The following FGGY variants were observed in gnomAD, a reference collection of about 807,000 sequenced individuals.
FGGY encodes the protein FGGY carbohydrate kinase domain containing.
A neutral mutation model predicts 71.3 loss-of-function variants in FGGY; 72 were observed. The ratio of observed to expected loss-of-function variants is 1.01; its 90% confidence interval spans 0.84 to 1.23. FGGY has a LOEUF of 1.23. Among genes scored for constraint, FGGY ranks in the 50% most tolerant of loss-of-function variants. The probability of loss-of-function intolerance (pLI) is 0.00; values close to 1 mark genes in which losing one functional copy is unlikely to be tolerated. For synonymous variants in FGGY, 251 were observed against 250.3 expected (o/e 1.00, Z -0.02); for missense variants, 668 against 682.3 (o/e 0.98, Z 0.23).
chr1:59,601,065 T>C (rs1024601012), intron 8 of FGGY, among the ~76,000 whole-genome samples: 3 of 149,966 alleles, frequency 2.0e-5, no homozygotes, highest in East Asian at 3.9e-4. Context: ...AGTAAGACGA[T>C]AGCACCGTCC....
intron 10 of FGGY, among the ~76,000 whole-genome samples, chr1:59,633,318 G>A (rs781149687): frequency 1.1e-4 from 17 of 151,940 alleles, no homozygotes; most frequent in African/African-American, 3.9e-4. Flanking sequence ...CCTATTATAC[G>A]TTTCTTTGGT....
intron 5 of FGGY, among the ~76,000 whole-genome samples, chr1:59,408,438 A>G (rs2063088409): frequency 2.6e-5 from 4 of 152,172 alleles, no homozygotes; most frequent in African/African-American, 9.6e-5. Flanking sequence ...GCCTTTGTAG[A>G]CACTTTTGAT....
In FGGY at chr1:59,721,337, G is replaced by GT. The variant is rs71046339; in HGVS notation, c.1513-36575dup. ...AGAGAGTTTTTCTTTTCTTTCCTTT[G>GT]TTTTTTTTTTTTTTTTTTTGAGACG... On this transcript the variant is annotated intron_variant, in intron 14 of 15. Transcript: ENST00000303721. Among the ~76,000 whole-genome samples, 204 of 105,364 alleles carry GT rather than the reference G, an allele frequency of 1.9e-3. 17 individuals carry two copies. Among genetic ancestry groups the GT allele is most frequent in the East Asian group, 7.4e-3 (23 of 3,124 alleles). 69.1% of individuals were successfully genotyped at this position (105,364 alleles called of 152,430 possible).
chr1:59,497,785 A>G (rs1208213668), intron 6 of FGGY, among the ~76,000 whole-genome samples: 1 of 151,986 alleles, frequency 6.6e-6, no homozygotes, highest in Non-Finnish European at 1.5e-5. Context: ...CAGTTGGCTC[A>G]CCCTTCCTGG....
At chr1:59,586,934 C>T (rs2096302751) in intron 8 of FGGY, among the ~76,000 whole-genome samples, 3 of 152,184 alleles carry the variant, frequency 2.0e-5, no homozygotes, top group Non-Finnish European at 2.9e-5. Flanking sequence ...GAGTGCCAGA[C>T]AGTGGGCGCA....
intron 6 of FGGY, among the ~76,000 whole-genome samples, chr1:59,472,774 G>T (rs1452329158): frequency 6.7e-6 from 1 of 150,046 alleles, no homozygotes; most frequent in Non-Finnish European, 1.5e-5. Context: ...TGGTGGGGAG[G>T]TGGAGAACTT....
At chr1:59,616,088 G>T (rs549548306) in intron 9 of FGGY, among the ~76,000 whole-genome samples, 27 of 152,270 alleles carry the variant, frequency 1.8e-4, no homozygotes, top group Middle Eastern at 3.4e-3. Flanking sequence ...TGATTCCTCA[G>T]GGATCTAGAA....
chr1:59,628,001 C>T (rs1297724194), intron 10 of FGGY, among the ~76,000 whole-genome samples: 1 of 152,132 alleles, frequency 6.6e-6, no homozygotes, highest in Non-Finnish European at 1.5e-5. Flanking sequence ...AGATAATCAA[C>T]ATTAGGTAAA....
At chr1:59,489,311 A>G (rs986583085) in intron 6 of FGGY, among the ~76,000 whole-genome samples, 2 of 152,126 alleles carry the variant, frequency 1.3e-5, no homozygotes, top group Non-Finnish European at 2.9e-5. Flanking sequence ...GAATACTAGA[A>G]CTTATTACTC....
intron 5 of FGGY, among the ~76,000 whole-genome samples, chr1:59,413,661 C>T (rs1481928083): frequency 6.6e-6 from 1 of 152,058 alleles, no homozygotes; most frequent in Non-Finnish European, 1.5e-5. Flanking sequence ...AAAAAAAAAC[C>T]CAGACTTGCA....
intron 6 of FGGY, among the ~76,000 whole-genome samples, chr1:59,459,870 C>T (rs1035060262): frequency 2.6e-5 from 4 of 152,142 alleles, no homozygotes; most frequent in Non-Finnish European, 4.4e-5. Flanking sequence ...TGCAACATGG[C>T]TGAATTATAG....
chr1:59,384,378 T>G (rs2059837974), intron 5 of FGGY, among the ~76,000 whole-genome samples: 1 of 152,132 alleles, frequency 6.6e-6, no homozygotes, highest in Non-Finnish European at 1.5e-5. Flanking sequence ...GCATCTGTGT[T>G]TCTCTCTCTT....
chr1:59,361,428 A>G (rs543467574), intron 4 of FGGY, among the ~76,000 whole-genome samples: 7 of 152,250 alleles, frequency 4.6e-5, no homozygotes, highest in Admixed American at 4.6e-4. Flanking sequence ...GTTGTGGGCC[A>G]GTGGATGAAT....
At chr1:59,528,954 A>C (rs2095065831) in intron 7 of FGGY, among the ~76,000 whole-genome samples, 1 of 152,238 alleles carries the variant, frequency 6.6e-6, no homozygotes, top group African/African-American at 2.4e-5. Flanking sequence ...CATTAAATGT[A>C]ACATGCAGAC....
intron 7 of FGGY, among the ~76,000 whole-genome samples, chr1:59,523,773 G>T (rs900030492): frequency 6.6e-6 from 1 of 152,190 alleles, no homozygotes; most frequent in African/African-American, 2.4e-5. Context: ...AAATGCTTGA[G>T]GTAAACACAG....
intron 5 of FGGY, among the ~76,000 whole-genome samples, chr1:59,393,789 G>A (rs764949485): frequency 4.6e-5 from 7 of 152,046 alleles, no homozygotes; most frequent in Non-Finnish European, 7.4e-5. Context: ...AAGAGGCTTC[G>A]AAGTGCTTTT....
intron 4 of FGGY, among the ~76,000 whole-genome samples, chr1:59,358,633 A>G (rs531611569): frequency 7.9e-4 from 121 of 152,296 alleles, no homozygotes; most frequent in Admixed American, 2.2e-3. Flanking sequence ...TGTTGTTTCC[A>G]TCTGTCTGTT....
chr1:59,556,329 G>A (rs1187996781), intron 8 of FGGY, among the ~76,000 whole-genome samples: 1 of 152,330 alleles, frequency 6.6e-6, no homozygotes, highest in East Asian at 1.9e-4. Flanking sequence ...ATGGATGCAA[G>A]TGTCTCTGTG....
intron 14 of FGGY, among the ~76,000 whole-genome samples, chr1:59,679,533 G>A (rs1280102951): frequency 6.6e-6 from 1 of 150,888 alleles, no homozygotes; most frequent in Non-Finnish European, 1.5e-5. Context: ...ATGTTCATTG[G>A]GGACAAAAAT....
Sources: gnomAD v4.1 joint callset for allele counts (sites outside exome capture counted in the v4.1 genomes callset) on GRCh38, gnomAD v4.1.1 for gene constraint, MANE v1.5 for transcripts, NCBI Gene and HGNC (gene_info 2026-07-23, HGNC 2026-07-21) for gene names.